EEF2K: variants seen among roughly 807,000 people sequenced by gnomAD.
The protein encoded by EEF2K is alternative protein EEF2K.
A neutral mutation model predicts 93.8 loss-of-function variants in EEF2K; 70 were observed. The observed-to-expected ratio is 0.75, with a 90% CI of 0.62 to 0.91. EEF2K has a LOEUF of 0.91. Ranked by LOEUF, EEF2K falls within the 40% of genes least tolerant of loss-of-function variation. EEF2K has a pLI of 0.00. For synonymous variants in EEF2K, 376 were observed against 380.8 expected, an observed-to-expected ratio of 0.99 and a Z score of 0.15; for missense variants, 935 against 972.9, an observed-to-expected ratio of 0.96 and a Z score of 0.52.
intron 1 of EEF2K, among the ~76,000 whole-genome samples, chr16:22,217,054 C>T (rs903572101): frequency 2.0e-5 from 3 of 150,088 alleles, no homozygotes; most frequent in East Asian, 2.0e-4. Context: ...CCAGCTACTC[C>T]GGCGGCTTAT....
intron 2 of EEF2K, among the ~76,000 whole-genome samples, chr16:22,244,219 ACT>A (rs1183346944): frequency 6.9e-6 from 1 of 145,762 alleles, no homozygotes; most frequent in East Asian, 2.0e-4. Context: ...ACAGAGTGAG[ACT>A]CTGTTTCTAT....
chr16:22,270,814 G>A (rs1841219223), intron 15 of EEF2K, among the ~76,000 whole-genome samples: 1 of 151,978 alleles, frequency 6.6e-6, no homozygotes, highest in South Asian at 2.1e-4. Flanking sequence ...ACCAGTTTTT[G>A]TTTCATGATG....
At chr16:22,241,383 G>A (rs186986954) in intron 2 of EEF2K, among the ~76,000 whole-genome samples, 33 of 152,146 alleles carry the variant, frequency 2.2e-4, no homozygotes, top group Non-Finnish European at 1.2e-4. Context: ...AGGTGGCCAC[G>A]CCTGTAATCC....
At chr16:22,207,144 C>T (rs2046871291) in intron 1 of EEF2K, among the ~76,000 whole-genome samples, 1 of 152,102 alleles carries the variant, frequency 6.6e-6, no homozygotes, top group Non-Finnish European at 1.5e-5. Context: ...TTGTTGGCTG[C>T]GGGAGTTTGT....
intron 2 of EEF2K, among the ~76,000 whole-genome samples, chr16:22,236,283 G>A (rs1038923661): frequency 2.6e-5 from 4 of 151,542 alleles, no homozygotes; most frequent in Admixed American, 2.0e-4. Context: ...GTTTGGTTAA[G>A]CCCATTACTG....
intron 15 of EEF2K, among the ~76,000 whole-genome samples, chr16:22,273,257 T>G (rs999304952): frequency 6.6e-6 from 1 of 152,190 alleles, no homozygotes; most frequent in Admixed American, 6.5e-5. Context: ...TGCATGCATA[T>G]TAAGAGGCGG....
intron 2 of EEF2K, among the ~76,000 whole-genome samples, chr16:22,237,009 A>G (rs1001269987): frequency 3.1e-5 from 4 of 130,412 alleles, no homozygotes; most frequent in South Asian, 2.3e-4. Flanking sequence ...CAGTGGTGCA[A>G]TCTCAGCTCA....
rs773585338 is a variant in EEF2K at position 22,266,745 on chromosome 16, G to A, written c.1633G>A (p.Glu545Lys). The A allele has an allele frequency of 4.3e-6, 7 of 1,614,176 alleles. No homozygotes were observed. Among genetic ancestry groups the A allele is most frequent in the Non-Finnish European group, 5.1e-6 (6 of 1,180,018 alleles). Residue 545 changes from glutamate to lysine, a missense_variant, in exon 15 of 18, where the codon GAG becomes AAG. Coordinates refer to ENST00000263026, the MANE Select transcript of EEF2K (RefSeq NM_013302.5). ...TGGGCGCTTCTGCGAGAAGGGCGAG[G>A]AGTGGGACCAGGAGTCGGCTGTCTT... ...EGGRFCEKGE[E>K]WDQESAVFHL...
chr16:22,250,561 T>G (rs1449947703), intron 4 of EEF2K, 93 bp from the exon 5 acceptor site: 3 of 1,498,436 alleles, frequency 2.0e-6, no homozygotes, highest in Non-Finnish European at 1.9e-6. Flanking sequence ...GGCACCCATT[T>G]GATAGGTGGC....
intron 1 of EEF2K, among the ~76,000 whole-genome samples, chr16:22,221,130 G>A (rs2047007626): frequency 6.6e-6 from 1 of 152,200 alleles, no homozygotes; most frequent in Non-Finnish European, 1.5e-5. Flanking sequence ...CAATGTGTGG[G>A]TGGTGTGTTA....
intron 17 of EEF2K, among the ~76,000 whole-genome samples, chr16:22,283,169 C>T (rs1017617729): frequency 2.8e-4 from 42 of 151,576 alleles, no homozygotes; most frequent in African/African-American, 9.0e-4. Context: ...ATTAGCTGGG[C>T]GTGGTGGCAG....
At chr16:22,265,496 C>A (rs529146716) in intron 13 of EEF2K, among the ~76,000 whole-genome samples, 2 of 152,336 alleles carry the variant, frequency 1.3e-5, no homozygotes, top group Admixed American at 1.3e-4. Flanking sequence ...CAGGGCCCCT[C>A]GTCCAGGAGC....
intron 2 of EEF2K, among the ~76,000 whole-genome samples, chr16:22,240,166 G>T (rs1273075052): frequency 6.7e-6 from 1 of 149,706 alleles, no homozygotes; most frequent in Admixed American, 6.6e-5. Context: ...ACATACACAT[G>T]TCTGCTGTGG....
At chr16:22,211,771 A>G (rs1008462406) in intron 1 of EEF2K, among the ~76,000 whole-genome samples, 5 of 152,082 alleles carry the variant, frequency 3.3e-5, no homozygotes, top group Middle Eastern at 3.4e-3. Context: ...CCACAACCCA[A>G]AAGTCCTTCT....
chr16:22,216,926 C>T (rs1007081373), intron 1 of EEF2K, among the ~76,000 whole-genome samples: 1 of 151,872 alleles, frequency 6.6e-6, no homozygotes, highest in African/African-American at 2.4e-5. Context: ...CTTTGGGAGG[C>T]TGAGATGGGT....
intron 15 of EEF2K, among the ~76,000 whole-genome samples, chr16:22,270,932 ATG>A (rs548069671): frequency 6.7e-6 from 1 of 148,364 alleles, no homozygotes; most frequent in Non-Finnish European, 1.5e-5. Flanking sequence ...GTGTGTATAT[ATG>A]TGTGTGTGTG....
chr16:22,209,247 G>A (rs1163413983), intron 1 of EEF2K, among the ~76,000 whole-genome samples: 2 of 152,162 alleles, frequency 1.3e-5, no homozygotes, highest in Non-Finnish European at 2.9e-5. Context: ...GGCCAGGCTG[G>A]TCTCAAACTC....
chr16:22,285,459 T>G lies in EEF2K; in HGVS notation c.*1463T>G, dbSNP rs1248094531. The G allele has an allele frequency of 6.6e-6, 1 of 152,246 alleles. No individual in the cohort carries two copies. Among genetic ancestry groups the G allele is most frequent in the Non-Finnish European group, 1.5e-5 (1 of 68,050 alleles). The allele number at this position is 152,246 out of a possible 1,614,324, so 9.4% of individuals were successfully genotyped here. A position where few individuals can be genotyped will look rare whatever the true frequency, so the allele number is the denominator to read the frequency against. On this transcript the variant is annotated 3_prime_UTR_variant, in exon 18 of 18. Transcript: ENST00000263026. ...ATGGCCAGACAATGGCGATTGTTAT[T>G]TAATGAGCTTTTCCTTTCAATGGAA...
At chr16:22,267,318 A>C (rs1230960038) in intron 15 of EEF2K, among the ~76,000 whole-genome samples, 1 of 152,056 alleles carries the variant, frequency 6.6e-6, no homozygotes, top group Non-Finnish European at 1.5e-5. Context: ...CTCAGGCCAG[A>C]GTGGTGGCTT....
Sources: allele counts gnomAD v4.1 joint callset (sites outside exome capture counted in the v4.1 genomes callset), GRCh38; gene constraint gnomAD v4.1.1; transcripts MANE v1.5; gene names NCBI Gene and HGNC (gene_info 2026-07-23, HGNC 2026-07-21).